Variants in SLC35H1 observed in about 807,000 individuals in gnomAD.
SLC35H1 encodes the protein solute carrier family 35 member H1.
the SLC35H1 span, among the ~76,000 whole-genome samples, chr20:46,351,054 T>A: frequency 4.6e-5 from 7 of 152,202 alleles, no homozygotes; most frequent in African/African-American, 1.7e-4. Flanking sequence ...CCGGCCGGCT[T>A]GCGGCGCTGT....
the SLC35H1 span, chr20:46,347,064 G>A: frequency 6.6e-6 from 1 of 152,200 alleles, no homozygotes; most frequent in Admixed American, 6.5e-5. Context: ...GCCGAGCACT[G>A]TGTGCTTTAC....
the SLC35H1 span, among the ~76,000 whole-genome samples, chr20:46,359,186 G>C: frequency 6.6e-6 from 1 of 152,152 alleles, no homozygotes; most frequent in South Asian, 2.1e-4. Flanking sequence ...GGAAATGAAC[G>C]AACACTGCAC....
the SLC35H1 span, chr20:46,350,691 C>T: frequency 6.3e-7 from 1 of 1,576,090 alleles, no homozygotes; most frequent in East Asian, 2.2e-5. Context: ...ACACTTCCTG[C>T]ATCAGAATCA....
chr20:46,357,433 T>C, the SLC35H1 span, among the ~76,000 whole-genome samples: 1 of 151,436 alleles, frequency 6.6e-6, no homozygotes, highest in Non-Finnish European at 1.5e-5. Flanking sequence ...GGTGGGGCAG[T>C]GGGAAGGCAC....
chr20:46,352,560 GGGGATCCTAGCGGGATGAT>G, the SLC35H1 span: 222 of 242,516 alleles, frequency 9.2e-4, 2 homozygotes, highest in African/African-American at 4.4e-3. Flanking sequence ...GCGGGATGAT[GGGGATCCTAGCGGGATGAT>G]GGGATCCTAG....
At chr20:46,352,338 G>C in the SLC35H1 span, 1 of 909,016 alleles carries the variant, frequency 1.1e-6, no homozygotes, top group Non-Finnish European at 1.7e-6. Flanking sequence ...ACTGAGACCT[G>C]CTAACTGTCT....
At chr20:46,354,029 A>G in the SLC35H1 span, among the ~76,000 whole-genome samples, 1 of 152,114 alleles carries the variant, frequency 6.6e-6, no homozygotes, top group Non-Finnish European at 1.5e-5. Context: ...GGAAGGATAA[A>G]CAGAAAGGGG....
chr20:46,355,045 CT>C, the SLC35H1 span: 1 of 1,613,892 alleles, frequency 6.2e-7, no homozygotes, highest in Non-Finnish European at 8.5e-7. The surrounding 1 kb of genome is among the most constrained non-coding windows in gnomAD (Gnocchi z 4.8). Flanking sequence ...GGGTTCCTCT[CT>C]CTGGAGGATG....
the SLC35H1 span, chr20:46,354,978 G>A: frequency 1.9e-6 from 3 of 1,613,914 alleles, no homozygotes; most frequent in Admixed American, 3.3e-5. Context: ...GCAGGGCGGG[G>A]GACAGGCACC....
chr20:46,355,185 G>C, the SLC35H1 span: 4 of 1,613,972 alleles, frequency 2.5e-6, no homozygotes, highest in East Asian at 8.9e-5. The surrounding 1 kb of genome is among the most constrained non-coding windows in gnomAD (Gnocchi z 4.8). Flanking sequence ...TGGACTTGTA[G>C]GTGAACATGA....
chr20:46,350,132 A>G, the SLC35H1 span: 1 of 309,440 alleles, frequency 3.2e-6, no homozygotes, highest in Non-Finnish European at 5.9e-6. Flanking sequence ...GGGAAGAACC[A>G]GCCCACTCCC....
chr20:46,354,791 T>C, the SLC35H1 span: 1 of 1,189,212 alleles, frequency 8.4e-7, no homozygotes, highest in South Asian at 1.3e-5. Flanking sequence ...TTGATCTCAA[T>C]AATCTCTGCA....
At chr20:46,350,540 G>T in the SLC35H1 span, 1 of 1,575,382 alleles carries the variant, frequency 6.3e-7, no homozygotes, top group Non-Finnish European at 8.6e-7. Context: ...GATAGAGAGA[G>T]ACCACAGTTA....
the SLC35H1 span, chr20:46,346,598 T>A: frequency 6.6e-6 from 1 of 152,274 alleles, no homozygotes; most frequent in South Asian, 2.1e-4. Flanking sequence ...CTGGCCAACA[T>A]GTACTGAAAT....
the SLC35H1 span, chr20:46,357,615 C>T: frequency 6.2e-7 from 1 of 1,612,242 alleles, no homozygotes; most frequent in Non-Finnish European, 8.5e-7. Flanking sequence ...CTGAGGTCCC[C>T]CACCTACCTG....
At chr20:46,363,356 G>T in the SLC35H1 span, among the ~76,000 whole-genome samples, 2 of 152,112 alleles carry the variant, frequency 1.3e-5, no homozygotes, top group African/African-American at 2.4e-5. Flanking sequence ...GACCTTTTCT[G>T]TATCAGACTC....
At chr20:46,364,083 C>CA in the SLC35H1 span, 2 of 152,348 alleles carry the variant, frequency 1.3e-5, no homozygotes, top group Non-Finnish European at 2.9e-5. Flanking sequence ...AGCAGCCCCT[C>CA]AGAGGGCAGG....
the SLC35H1 span, chr20:46,363,061 G>C: frequency 6.6e-6 from 1 of 152,344 alleles, no homozygotes; most frequent in African/African-American, 2.4e-5. Flanking sequence ...CCACCGTGCC[G>C]GGCCGGCTTA....
the SLC35H1 span, chr20:46,364,344 C>CAGTG: frequency 6.6e-6 from 1 of 152,262 alleles, no homozygotes; most frequent in African/African-American, 2.4e-5. Context: ...GGGAGTGCGC[C>CAGTG]GGGAGGCCGG....
Sources: allele counts gnomAD v4.1 joint callset (sites outside exome capture counted in the v4.1 genomes callset), GRCh38; gene constraint gnomAD v4.1.1; non-coding constraint Gnocchi (gnomAD v3.1); transcripts MANE v1.5; gene names NCBI Gene and HGNC (gene_info 2026-07-23, HGNC 2026-07-21).